GSTM2: variants seen among roughly 807,000 people sequenced by gnomAD.
The protein encoded by GSTM2 is GST class-mu 2.
Under a neutral mutation model 33.3 loss-of-function variants are expected in GSTM2, and 33 were observed. That is an observed-to-expected ratio of 0.99 (90% CI 0.75 to 1.33). The LOEUF is 1.33. Among genes scored for constraint, GSTM2 ranks in the 40% most tolerant of loss-of-function variants. The pLI, the probability that GSTM2 is intolerant of heterozygous loss-of-function variation, is 0.00. For synonymous variants in GSTM2, 93 were observed against 95.6 expected (o/e 0.97, Z 0.16); for missense variants, 213 against 265.8 (o/e 0.80, Z 1.38).
intron 7 of GSTM2, 129 bp downstream of exon 7, chr1:109,671,712 A>C: frequency 1.4e-6 from 1 of 721,294 alleles, no homozygotes. Flanking sequence ...TCACGCCTGT[A>C]ATCTCAGCGC....
At chr1:109,678,977 G>A (rs1381645091), downstream of GSTM2, among the ~76,000 whole-genome samples, 1 of 152,040 alleles carries the variant, frequency 6.6e-6, no homozygotes, top group Admixed American at 6.6e-5. Context: ...GTGACTTTGA[G>A]TAGATCCCCA....
At chr1:109,679,456 T>A (rs1179081657), downstream of GSTM2, among the ~76,000 whole-genome samples, 1 of 152,178 alleles carries the variant, frequency 6.6e-6, no homozygotes, top group Non-Finnish European at 1.5e-5. Context: ...CCAGCTTGGG[T>A]GACAGAGTGA....
intron 5 of GSTM2, 73 bp from the exon 6 acceptor site, chr1:109,671,214 G>C: frequency 9.3e-7 from 1 of 1,080,422 alleles, no homozygotes; most frequent in Non-Finnish European, 1.4e-6. Flanking sequence ...CTGGGGCCAT[G>C]CACAAAACTG....
At chr1:109,675,883 G>A (rs189683537), downstream of GSTM2, among the ~76,000 whole-genome samples, 95 of 152,266 alleles carry the variant, frequency 6.2e-4, 1 homozygote, top group African/African-American at 2.1e-3. Context: ...CTGTTCTCAC[G>A]CTGCTAATAG....
downstream of GSTM2, among the ~76,000 whole-genome samples, chr1:109,677,815 G>A (rs1647741179): frequency 6.6e-6 from 1 of 152,184 alleles, no homozygotes; most frequent in Admixed American, 6.5e-5. Context: ...CATGCATTAA[G>A]GCCTGTGCAC....
intron 7 of GSTM2, 149 bp downstream of exon 7, chr1:109,671,732 T>C (rs1430241797): frequency 1.5e-6 from 1 of 684,622 alleles, no homozygotes; most frequent in East Asian, 2.7e-5. Context: ...CTTTGGAGGC[T>C]GAGGGAGGCA....
At chr1:109,675,331 A>ACTGT (rs1006050780), downstream of GSTM2, 4 of 169,280 alleles carry the variant, frequency 2.4e-5, no homozygotes, top group Admixed American at 2.5e-4. Flanking sequence ...ATCTACCCAG[A>ACTGT]CTGTCTGTCT....
chr1:109,672,247 C>T (rs1407083955), intron 7 of GSTM2, among the ~76,000 whole-genome samples: 4 of 151,782 alleles, frequency 2.6e-5, no homozygotes, highest in Admixed American at 6.6e-5. Context: ...GCCATTGCAC[C>T]CCAGCCTGGG....
intron 5 of GSTM2, 62 bp downstream of exon 5, chr1:109,669,633 C>T: frequency 9.3e-7 from 1 of 1,074,320 alleles, no homozygotes; most frequent in South Asian, 1.4e-5. Flanking sequence ...CCTTTCCCTG[C>T]AGAGTTTGTG....
intron 7 of GSTM2, among the ~76,000 whole-genome samples, chr1:109,674,039 G>C (rs1647636570): frequency 6.6e-6 from 1 of 152,152 alleles, no homozygotes; most frequent in Non-Finnish European, 1.5e-5. Context: ...GAGAACCTTG[G>C]ACTTTCTGCT....
At chr1:109,668,334 G>A in intron 1 of GSTM2, 91 bp from the exon 2 acceptor site, 1 of 1,466,404 alleles carries the variant, frequency 6.8e-7, no homozygotes, top group Non-Finnish European at 9.5e-7. Flanking sequence ...AGGCAGGAAC[G>A]AGAGGAGGAG....
chr1:109,671,176 G>A (rs1647530070), intron 5 of GSTM2, 111 bp from the exon 6 acceptor site: 3 of 745,942 alleles, frequency 4.0e-6, no homozygotes, highest in Non-Finnish European at 7.4e-6. Flanking sequence ...TCCAGCTGTG[G>A]GGAAGATGAC....
At position 109,668,727 on chromosome 1, in the gene GSTM2, C is replaced by T. The variant is rs1179229313; in HGVS notation, c.113-198C>T. ...GGGTGTCCCTCAGGGCTTGCCTAAA[C>T]CCTGGAAGCCTTAGCTGTGTGGGGT... On this transcript the variant is annotated intron_variant, in intron 2 of 7. Coordinates refer to ENST00000241337, the MANE Select transcript of GSTM2 (RefSeq NM_000848.4). The T allele has an allele frequency of 6.2e-6, 5 of 808,550 alleles. No homozygotes were observed. The Admixed American group carries it at 6.8e-5, about 11-fold the overall frequency. The allele number at this position is 808,550 out of a possible 1,614,324, so 50.1% of individuals were successfully genotyped here.
downstream of GSTM2, among the ~76,000 whole-genome samples, chr1:109,676,215 A>G (rs1444786708): frequency 1.3e-5 from 2 of 152,138 alleles, no homozygotes; most frequent in Non-Finnish European, 2.9e-5. Flanking sequence ...CAGCCAAACC[A>G]TATCAGCTGG....
chr1:109,683,099 T>C (rs1319471820), intron 7 of GSTM2: 1 of 83,320 alleles, frequency 1.2e-5, no homozygotes, highest in African/African-American at 3.3e-5. Flanking sequence ...CTTTTCCACA[T>C]TTTGCAGTTC....
intron 7 of GSTM2, among the ~76,000 whole-genome samples, chr1:109,672,001 C>T (rs890834790): frequency 3.4e-5 from 5 of 146,638 alleles, no homozygotes; most frequent in South Asian, 2.1e-4. Context: ...AAAAAGGAGC[C>T]GGGCATGGTG....
intron 7 of GSTM2, among the ~76,000 whole-genome samples, chr1:109,682,792 A>G (rs1647884358): frequency 2.4e-5 from 3 of 124,346 alleles, no homozygotes; most frequent in Admixed American, 2.4e-4. Context: ...AAGATTCTTT[A>G]TATTTCAGAT....
chr1:109,673,342 C>T (rs908285281), intron 7 of GSTM2: 3 of 1,481,640 alleles, frequency 2.0e-6, no homozygotes, highest in Non-Finnish European at 2.8e-6. Context: ...AGTGAGAGGC[C>T]TGCAGGCAGA....
chr1:109,669,510 TGGAGAA>T lies in GSTM2; in HGVS notation c.300_305del (p.Leu100_Asn102delinsPhe). 6.2e-7 allele frequency: 1 copy of T among 1,614,034 alleles called. No homozygotes were observed. The highest frequency in any genetic ancestry group is 8.5e-7 in the Non-Finnish European group (1 of 1,179,926). The stretch of plus-strand genomic sequence containing the variant: ...AAGGAGCAGATTCGCGAAGACATTT[TGGAGAA>T]CCAGTTTATGGACAGCCGTATGCAG... On this transcript the variant is annotated inframe_deletion, in exon 5 of 8. Transcript: ENST00000241337.
Sources: allele counts gnomAD v4.1 joint callset (sites outside exome capture counted in the v4.1 genomes callset), GRCh38; gene constraint gnomAD v4.1.1; transcripts MANE v1.5; gene names NCBI Gene and HGNC (gene_info 2026-07-23, HGNC 2026-07-21).